PLA2G4A: variants seen among roughly 807,000 people sequenced by gnomAD.
The protein encoded by PLA2G4A is phospholipase A2 group IVA.
Under a neutral mutation model 81.9 loss-of-function variants are expected in PLA2G4A, and 40 were observed. That is an observed-to-expected ratio of 0.49 (90% CI 0.38 to 0.64). The LOEUF is 0.64. PLA2G4A is among the 30% of genes least tolerant of loss of function. The probability of loss-of-function intolerance (pLI) is 0.00; values close to 1 mark genes in which losing one functional copy is unlikely to be tolerated. For synonymous variants in PLA2G4A, 302 were observed against 296.9 expected (o/e 1.02, Z -0.18); for missense variants, 715 against 905.1 (o/e 0.79, Z 2.69).
chr1:186,890,988 G>A (rs1019128631), intron 3 of PLA2G4A, among the ~76,000 whole-genome samples: 2 of 151,822 alleles, frequency 1.3e-5, no homozygotes, highest in Non-Finnish European at 2.9e-5. Flanking sequence ...TGTACAACCT[G>A]TACAACCATA....
chr1:186,988,533 T>G lies in PLA2G4A; in HGVS notation c.*25T>G. 1.9e-6 allele frequency: 3 copies of G among 1,604,590 alleles called. No individual in the cohort carries two copies. Among genetic ancestry groups the G allele is most frequent in the Non-Finnish European group, 2.6e-6 (3 of 1,173,410 alleles). On this transcript the variant is annotated 3_prime_UTR_variant, in exon 18 of 18. Coordinates refer to ENST00000367466, the MANE Select transcript of PLA2G4A (RefSeq NM_024420.3). ...GTTCATGTACTGGAAATGGCAGCAGTTTCTGATGCTGAGGCAGTTTGCAAT... is the reference window on the plus strand; with the variant it reads ...GTTCATGTACTGGAAATGGCAGCAGGTTCTGATGCTGAGGCAGTTTGCAAT...
chr1:186,884,821 C>A (rs902866590), intron 3 of PLA2G4A, among the ~76,000 whole-genome samples: 4 of 150,728 alleles, frequency 2.7e-5, no homozygotes, highest in African/African-American at 9.8e-5. Context: ...GAGGTTGAGG[C>A]TACAGTGAGC....
At chr1:186,884,655 T>C (rs1470704372) in intron 3 of PLA2G4A, among the ~76,000 whole-genome samples, 3 of 152,002 alleles carry the variant, frequency 2.0e-5, no homozygotes, top group Non-Finnish European at 4.4e-5. Context: ...GGCAGATGAA[T>C]TGTTTGAGCC....
In PLA2G4A at chr1:186,956,082, G is replaced by C. The variant is rs1209176983; in HGVS notation, c.1337-20G>C. The C allele has an allele frequency of 6.2e-7, 1 of 1,609,962 alleles. No individual in the cohort carries two copies. The highest frequency in any genetic ancestry group is 2.2e-5 in the East Asian group (1 of 44,850). ...ACATGTATTTTGGAGTCTGTATGGTGACCTTTTATTTTTCCCTAGGCACTG... is the reference window on the plus strand; with the variant it reads ...ACATGTATTTTGGAGTCTGTATGGTCACCTTTTATTTTTCCCTAGGCACTG... On this transcript the variant is annotated intron_variant, in intron 13 of 17. Coordinates refer to ENST00000367466, the MANE Select transcript of PLA2G4A (RefSeq NM_024420.3).
At chr1:186,862,528 T>C (rs1652850962) in intron 2 of PLA2G4A, among the ~76,000 whole-genome samples, 1 of 152,176 alleles carries the variant, frequency 6.6e-6, no homozygotes, top group South Asian at 2.1e-4. Context: ...TTTTATTTGT[T>C]GCTTAATGAA....
At chr1:186,986,700 G>A (rs1182936452) in intron 17 of PLA2G4A, among the ~76,000 whole-genome samples, 2 of 152,164 alleles carry the variant, frequency 1.3e-5, no homozygotes, top group East Asian at 1.9e-4. Context: ...ATTGTGCCAA[G>A]CACTTTATAG....
Position 186,946,734 on chromosome 1 carries a change from C to A in PLA2G4A, c.1131C>A (p.Val377=), listed in dbSNP as rs546228398. The change falls in exon 11 of 18, where the codon GTC becomes GTA. Residue 377 remains valine (V), a synonymous_variant. Coordinates refer to ENST00000367466, the MANE Select transcript of PLA2G4A (RefSeq NM_024420.3). The stretch of plus-strand genomic sequence containing the variant: ...GAAGCAAATTTTTTATGGGAACAGT[C>A]GTTAAGAAGTATGAAGAAAACCCCT... ...LFGSKFFMGT[V]VKKYEENPLH... 6 of 1,611,512 alleles carry A rather than the reference C, an allele frequency of 3.7e-6. No homozygotes were observed. The highest frequency in any genetic ancestry group is 3.3e-5 in the Admixed American group (2 of 59,864).
intron 16 of PLA2G4A, 63 bp downstream of exon 16, chr1:186,977,851 A>T: frequency 1.9e-6 from 2 of 1,046,800 alleles, no homozygotes; most frequent in East Asian, 4.7e-5. Context: ...AACTGACATT[A>T]AACTGTTTCA....
intron 15 of PLA2G4A, among the ~76,000 whole-genome samples, chr1:186,969,197 ATTCT>A (rs1296657950): frequency 6.6e-6 from 1 of 151,436 alleles, no homozygotes; most frequent in Non-Finnish European, 1.5e-5. Flanking sequence ...CATTGTTTTT[ATTCT>A]TTCTTATAAT....
At chr1:186,972,259 C>T (rs1045845124) in intron 15 of PLA2G4A, among the ~76,000 whole-genome samples, 24 of 152,014 alleles carry the variant, frequency 1.6e-4, no homozygotes, top group Non-Finnish European at 2.8e-4. Context: ...ACAAAAGCAG[C>T]TTTGTGTTTC....
At chr1:186,945,810 G>A (rs1656318421) in intron 10 of PLA2G4A, among the ~76,000 whole-genome samples, 2 of 152,148 alleles carry the variant, frequency 1.3e-5, no homozygotes, top group African/African-American at 4.8e-5. Context: ...ATTAGACATA[G>A]TCGTAGCCAT....
At chr1:186,908,878 T>C (rs751410462) in intron 6 of PLA2G4A, among the ~76,000 whole-genome samples, 16 of 151,312 alleles carry the variant, frequency 1.1e-4, no homozygotes, top group Non-Finnish European at 2.1e-4. Context: ...ATTTAAGTAG[T>C]GATTACCTTT....
intron 7 of PLA2G4A, among the ~76,000 whole-genome samples, chr1:186,926,788 G>A (rs905542396): frequency 1.3e-5 from 2 of 152,202 alleles, no homozygotes; most frequent in South Asian, 4.1e-4. Flanking sequence ...GTTGTGGCAA[G>A]GGGATAAGTA....
intron 13 of PLA2G4A, among the ~76,000 whole-genome samples, 175 bp downstream of exon 13, chr1:186,950,903 C>A (rs1466414082): frequency 6.6e-6 from 1 of 152,122 alleles, no homozygotes; most frequent in Non-Finnish European, 1.5e-5. Context: ...ATAAAATAGG[C>A]AGCACATATA....
chr1:186,896,301 G>A (rs1008206601), intron 5 of PLA2G4A, among the ~76,000 whole-genome samples: 1 of 152,162 alleles, frequency 6.6e-6, no homozygotes, highest in Non-Finnish European at 1.5e-5. Context: ...GAAAAGAGCA[G>A]GATTTCATCA....
At chr1:186,954,658 T>C (rs570090293) in intron 13 of PLA2G4A, among the ~76,000 whole-genome samples, 1 of 13,544 alleles carries the variant, frequency 7.4e-5, no homozygotes, top group Admixed American at 8.2e-4. Context: ...AAGCTGACTA[T>C]AGAATCTCTT....
chr1:186,930,456 G>C (rs982517031), intron 7 of PLA2G4A, among the ~76,000 whole-genome samples: 8 of 152,180 alleles, frequency 5.3e-5, no homozygotes, highest in African/African-American at 1.9e-4. Context: ...GGCATTTGGA[G>C]AAGGACATCT....
At chr1:186,877,249 C>CTCAA (rs1653536336) in intron 3 of PLA2G4A, among the ~76,000 whole-genome samples, 1 of 152,142 alleles carries the variant, frequency 6.6e-6, no homozygotes, top group African/African-American at 2.4e-5. Context: ...CTGCCTTCCA[C>CTCAA]TATCTTGGGA....
At chr1:186,851,070 A>G (rs1192401455) in intron 1 of PLA2G4A, among the ~76,000 whole-genome samples, 1 of 152,064 alleles carries the variant, frequency 6.6e-6, no homozygotes, top group Non-Finnish European at 1.5e-5. Flanking sequence ...TCACATTACA[A>G]GCAAGTAACC....
Sources: gnomAD v4.1 joint callset for allele counts (sites outside exome capture counted in the v4.1 genomes callset) on GRCh38, gnomAD v4.1.1 for gene constraint, MANE v1.5 for transcripts, NCBI Gene and HGNC (gene_info 2026-07-23, HGNC 2026-07-21) for gene names.